PDE4B: variants seen among roughly 807,000 people sequenced by gnomAD.
PDE4B encodes 3',5'-cyclic-AMP phosphodiesterase 4B.
Under a neutral mutation model 82.2 loss-of-function variants are expected in PDE4B, and 20 were observed. The ratio of observed to expected loss-of-function variants is 0.24; its 90% confidence interval spans 0.17 to 0.35. The LOEUF (loss-of-function observed/expected upper bound fraction) is 0.35, where lower values mean the gene tolerates loss of function less well. Ranked by LOEUF, PDE4B falls within the 10% of genes least tolerant of loss-of-function variation. The pLI is 1.00. For synonymous variants in PDE4B, 320 were observed against 318.9 expected (o/e 1.00, Z -0.04); for missense variants, 655 against 907.2 (o/e 0.72, Z 3.57).
chr1:66,278,691 T>G (rs772265861), intron 7 of PDE4B, among the ~76,000 whole-genome samples: 38 of 152,212 alleles, frequency 2.5e-4, no homozygotes, highest in Admixed American at 1.6e-3. Flanking sequence ...GAAGAAGCTT[T>G]TCACATATTT....
At chr1:66,274,320 C>A (rs1300507827) in intron 7 of PDE4B, among the ~76,000 whole-genome samples, 1 of 139,954 alleles carries the variant, frequency 7.1e-6, no homozygotes, top group Non-Finnish European at 1.6e-5. Context: ...GTCACAACAC[C>A]CAGCTAATTT....
chr1:65,962,207 A>G (rs1293320582), intron 3 of PDE4B, among the ~76,000 whole-genome samples: 1 of 152,122 alleles, frequency 6.6e-6, no homozygotes, highest in Admixed American at 6.6e-5. Context: ...TGAAAAACAG[A>G]ATAATTGTAT....
intron 3 of PDE4B, among the ~76,000 whole-genome samples, chr1:66,225,021 A>G (rs1338721): frequency 0.48 from 72,959 of 152,056 alleles, 18,681 homozygotes; most frequent in South Asian, 0.64. Flanking sequence ...CATGAACCAT[A>G]TCCAGCATTT....
chr1:66,305,722 T>C (rs984359116), intron 7 of PDE4B, among the ~76,000 whole-genome samples: 1 of 152,172 alleles, frequency 6.6e-6, no homozygotes, highest in Non-Finnish European at 1.5e-5. Context: ...CATTGGATAG[T>C]AATTTGTCTT....
chr1:66,281,235 G>T (rs1277668654), intron 7 of PDE4B, among the ~76,000 whole-genome samples: 1 of 152,196 alleles, frequency 6.6e-6, no homozygotes, highest in Non-Finnish European at 1.5e-5. Context: ...TTTGTTGATG[G>T]ATTACTTATT....
At chr1:66,370,400 C>G (rs2050704566) in intron 16 of PDE4B, among the ~76,000 whole-genome samples, 1 of 152,140 alleles carries the variant, frequency 6.6e-6, no homozygotes, top group Non-Finnish European at 1.5e-5. Context: ...TTACTTGGAT[C>G]CCCAAACAGC....
chr1:66,127,958 TA>T (rs1236897751), intron 3 of PDE4B, among the ~76,000 whole-genome samples: 1 of 152,172 alleles, frequency 6.6e-6, no homozygotes, highest in African/African-American at 2.4e-5. Context: ...TAAGAGTTCT[TA>T]GGTAATTCTA....
chr1:65,850,201 ATTCTCC>A (rs1343645667), intron 1 of PDE4B, among the ~76,000 whole-genome samples: 1 of 140,626 alleles, frequency 7.1e-6, no homozygotes, highest in African/African-American at 2.7e-5. Context: ...GGTTCAAGTG[ATTCTCC>A]TGCCTCAGCC....
chr1:66,300,222 G>A (rs1176512234), intron 7 of PDE4B, among the ~76,000 whole-genome samples: 1 of 152,118 alleles, frequency 6.6e-6, no homozygotes, highest in Admixed American at 6.6e-5. Flanking sequence ...GTTGATTTTA[G>A]TTCCCCTTTA....
chr1:66,266,843 C>T (rs551845662), intron 7 of PDE4B: 1 of 371,822 alleles, frequency 2.7e-6, no homozygotes, highest in South Asian at 2.1e-5. Context: ...CTGTTCCCTA[C>T]TAATGTAGCA....
chr1:66,136,478 G>C (rs1301952666), intron 3 of PDE4B, among the ~76,000 whole-genome samples: 2 of 152,080 alleles, frequency 1.3e-5, no homozygotes, highest in Non-Finnish European at 2.9e-5. Flanking sequence ...GGGAGGCCAA[G>C]GCGGGCAGAT....
intron 8 of PDE4B, among the ~76,000 whole-genome samples, chr1:66,342,121 A>G (rs1166839426): frequency 6.6e-6 from 1 of 152,218 alleles, no homozygotes; most frequent in Non-Finnish European, 1.5e-5. Context: ...ATAATAAACT[A>G]TTAATGTAAT....
chr1:66,314,973 C>T (rs947977399), intron 7 of PDE4B, among the ~76,000 whole-genome samples: 1 of 152,190 alleles, frequency 6.6e-6, no homozygotes, highest in East Asian at 1.9e-4. Context: ...TGTCTATGCA[C>T]TCCTCCCCTC....
At chr1:66,188,218 G>A (rs1285155996) in intron 3 of PDE4B, among the ~76,000 whole-genome samples, 2 of 151,958 alleles carry the variant, frequency 1.3e-5, no homozygotes, top group South Asian at 2.1e-4. Context: ...TATAATTTCT[G>A]TTCTTTTACA....
chr1:65,835,160 G>C (rs1188195539), intron 1 of PDE4B, among the ~76,000 whole-genome samples: 1 of 152,108 alleles, frequency 6.6e-6, no homozygotes, highest in Non-Finnish European at 1.5e-5. Flanking sequence ...AACATGAATG[G>C]GAAGGTTTAG....
chr1:66,162,181 G>A (rs1458674268), intron 3 of PDE4B, among the ~76,000 whole-genome samples: 1 of 151,908 alleles, frequency 6.6e-6, no homozygotes, highest in Non-Finnish European at 1.5e-5. Flanking sequence ...CGTGGTCAGT[G>A]CTAAGGTGCC....
intron 3 of PDE4B, among the ~76,000 whole-genome samples, chr1:66,182,751 A>C (rs2101413235): frequency 6.6e-6 from 1 of 152,272 alleles, no homozygotes; most frequent in South Asian, 2.1e-4. Flanking sequence ...GTGTCTAGTA[A>C]ACCTGCACAT....
At chr1:66,226,343 G>A (rs532425873) in intron 3 of PDE4B, among the ~76,000 whole-genome samples, 1 of 152,182 alleles carries the variant, frequency 6.6e-6, no homozygotes, top group South Asian at 2.1e-4. Context: ...TTAATGGAGA[G>A]ATACTGATTA....
intron 3 of PDE4B, among the ~76,000 whole-genome samples, chr1:65,963,912 CTT>C (rs1476638502): frequency 6.6e-6 from 1 of 152,168 alleles, no homozygotes; most frequent in Non-Finnish European, 1.5e-5. Flanking sequence ...ATTTTCCTCT[CTT>C]TTATCCCTAT....
Sources: allele counts gnomAD v4.1 joint callset (sites outside exome capture counted in the v4.1 genomes callset), GRCh38; gene constraint gnomAD v4.1.1; transcripts MANE v1.5; gene names NCBI Gene and HGNC (gene_info 2026-07-23, HGNC 2026-07-21).